The following CAMK4 variants were observed in gnomAD, a reference collection of about 807,000 sequenced individuals.
CAMK4 encodes calcium/calmodulin-dependent protein kinase type IV.
A neutral mutation model predicts 44.9 loss-of-function variants in CAMK4; 22 were observed. The observed-to-expected ratio is 0.49, with a 90% CI of 0.35 to 0.70. CAMK4 has a LOEUF of 0.70. CAMK4 is among the 30% of genes least tolerant of loss of function. CAMK4 has a pLI of 0.01. For missense variants in CAMK4, 498 were observed against 586.8 expected, an observed-to-expected ratio of 0.85 and a Z score of 1.56; for synonymous variants, 218 against 215.4, an observed-to-expected ratio of 1.01 and a Z score of -0.11.
intron 1 of CAMK4, chr5:111,266,261 C>T (rs944642099): frequency 2.0e-5 from 3 of 151,000 alleles, no homozygotes; most frequent in Admixed American, 2.0e-4. Flanking sequence ...GAGAGAGAGA[C>T]GTTTGCCCAT....
At chr5:111,352,798 A>G (rs1408865440) in intron 2 of CAMK4, among the ~76,000 whole-genome samples, 3 of 152,054 alleles carry the variant, frequency 2.0e-5, no homozygotes, top group East Asian at 1.9e-4. Flanking sequence ...CCATCATCCA[A>G]ACACCTCCCT....
intron 5 of CAMK4, among the ~76,000 whole-genome samples, chr5:111,421,092 A>G (rs141222499): frequency 6.6e-6 from 1 of 152,230 alleles, no homozygotes; most frequent in African/African-American, 2.4e-5. Context: ...ATAAGAAATT[A>G]TAAAAGTATT....
At chr5:111,282,677 T>A (rs1457290935) in intron 1 of CAMK4, among the ~76,000 whole-genome samples, 3 of 152,232 alleles carry the variant, frequency 2.0e-5, no homozygotes, top group Non-Finnish European at 2.9e-5. Flanking sequence ...ATAAATAAGA[T>A]CACACTGTAT....
At chr5:111,424,576 C>T (rs1053414160) in intron 5 of CAMK4, among the ~76,000 whole-genome samples, 11 of 150,540 alleles carry the variant, frequency 7.3e-5, no homozygotes, top group Non-Finnish European at 1.5e-4. Flanking sequence ...TCGCGAATAG[C>T]TGGGACTACA....
At chr5:111,248,969 T>G (rs1749360411) in intron 1 of CAMK4, among the ~76,000 whole-genome samples, 2 of 145,146 alleles carry the variant, frequency 1.4e-5, no homozygotes, top group African/African-American at 2.5e-5. Context: ...GGGCGGTGTG[T>G]GGGGGGGTCA....
intron 7 of CAMK4, among the ~76,000 whole-genome samples, chr5:111,470,196 A>T (rs965645367): frequency 6.6e-6 from 1 of 152,258 alleles, no homozygotes; most frequent in Non-Finnish European, 1.5e-5. Flanking sequence ...TTGTGCTCAA[A>T]GACACTTTCT....
Position 111,486,857 on chromosome 5 carries a change from T to C in CAMK4, c.*2391T>C, listed in dbSNP as rs1399521409. 1 of 152,112 alleles carries C rather than the reference T, an allele frequency of 6.6e-6. No homozygotes were observed. The highest frequency in any genetic ancestry group is 2.4e-5 in the African/African-American group (1 of 41,426). 9.4% of individuals were successfully genotyped at this position (152,112 alleles called of 1,614,324 possible). Reference sequence around the variant, plus strand: ...TCTTTTTAAACCCATAAACTACATTTTTAAAAAAATCAATGGGAGTTTTAA... The same window carrying C: ...TCTTTTTAAACCCATAAACTACATTCTTAAAAAAATCAATGGGAGTTTTAA... On this transcript the variant is annotated 3_prime_UTR_variant, in exon 11 of 11. Coordinates refer to ENST00000282356, the MANE Select transcript of CAMK4 (RefSeq NM_001744.6).
At position 111,321,465 on chromosome 5, in the gene CAMK4, T is replaced by G. The variant is rs369987117; in HGVS notation, c.162-22559T>G. Among the ~76,000 whole-genome samples the G allele has an allele frequency of 5.9e-4, 90 of 152,046 alleles. No individual in the cohort carries two copies. The Middle Eastern group carries it at 0.01, about 17-fold the overall frequency. On this transcript the variant is annotated intron_variant, in intron 1 of 10. Transcript: ENST00000282356. ...GTTGAAGGAGTAATTTTCTGAACTT[T>G]TAATTTATACAGTTTCTTAATATTA...
intron 5 of CAMK4, among the ~76,000 whole-genome samples, chr5:111,442,684 A>G (rs958875445): frequency 2.0e-5 from 3 of 149,450 alleles, no homozygotes; most frequent in Non-Finnish European, 4.5e-5. Flanking sequence ...AAACTGAAAG[A>G]CTAGCACTCT....
chr5:111,344,744 A>G (rs960934614), intron 2 of CAMK4, among the ~76,000 whole-genome samples: 1 of 151,818 alleles, frequency 6.6e-6, no homozygotes, highest in Non-Finnish European at 1.5e-5. Flanking sequence ...CTGAGGAGGC[A>G]AAAGTGACTT....
chr5:111,474,553 T>C (rs981993282), intron 8 of CAMK4, among the ~76,000 whole-genome samples: 7 of 152,118 alleles, frequency 4.6e-5, no homozygotes, highest in South Asian at 2.1e-4. Flanking sequence ...TACTATCTCA[T>C]TGGGAGCTGG....
chr5:111,295,913 G>C (rs1172853715), intron 1 of CAMK4, among the ~76,000 whole-genome samples: 1 of 152,124 alleles, frequency 6.6e-6, no homozygotes, highest in Non-Finnish European at 1.5e-5. Context: ...TTTTGATTCT[G>C]TTATCAGTCT....
intron 1 of CAMK4, among the ~76,000 whole-genome samples, chr5:111,291,466 C>A (rs1048306722): frequency 6.6e-6 from 1 of 152,040 alleles, no homozygotes; most frequent in Non-Finnish European, 1.5e-5. Flanking sequence ...GTCGTCATAC[C>A]TCCTTGGTGA....
intron 5 of CAMK4, among the ~76,000 whole-genome samples, chr5:111,440,470 C>A (rs1283548798): frequency 6.6e-6 from 1 of 152,204 alleles, no homozygotes; most frequent in South Asian, 2.1e-4. Flanking sequence ...CCTAAACTTT[C>A]TTACTGTAAA....
intron 1 of CAMK4, among the ~76,000 whole-genome samples, chr5:111,312,777 G>A (rs1041213717): frequency 4.6e-5 from 7 of 152,106 alleles, no homozygotes; most frequent in Admixed American, 1.3e-4. Flanking sequence ...CCAACTCCCC[G>A]TTGACGAATG....
chr5:111,460,882 AT>A, intron 7 of CAMK4, among the ~76,000 whole-genome samples: 1 of 152,340 alleles, frequency 6.6e-6, no homozygotes, highest in South Asian at 2.1e-4. Context: ...AGCACTAGGT[AT>A]TCTCAAATAT....
At chr5:111,470,514 A>G (rs958760630) in intron 7 of CAMK4, among the ~76,000 whole-genome samples, 1 of 148,342 alleles carries the variant, frequency 6.7e-6, no homozygotes, top group Non-Finnish European at 1.5e-5. Flanking sequence ...GATGAAAAAT[A>G]TAAACTTTAT....
chr5:111,278,617 C>A (rs1293407449), intron 1 of CAMK4, among the ~76,000 whole-genome samples: 3 of 152,058 alleles, frequency 2.0e-5, no homozygotes, highest in Admixed American at 2.0e-4. Flanking sequence ...TTCAAAAGTA[C>A]CAGGTGAGAA....
rs1755585684 is a variant in CAMK4 at position 111,485,627 on chromosome 5, T to C, written c.*1161T>C. The C allele has an allele frequency of 6.6e-6, 1 of 152,182 alleles. No homozygotes were observed. The highest frequency in any genetic ancestry group is 2.1e-4 in the South Asian group (1 of 4,834). 9.4% of individuals were successfully genotyped at this position (152,182 alleles called of 1,614,324 possible). On this transcript the variant is annotated 3_prime_UTR_variant, in exon 11 of 11. Transcript: ENST00000282356. ...CTTTTTCTCGTATTTGGAATGAAAG[T>C]ACCCACATTTTACAATGTAGTGTTG...
Sources: gnomAD v4.1 joint callset for allele counts (sites outside exome capture counted in the v4.1 genomes callset) on GRCh38, gnomAD v4.1.1 for gene constraint, MANE v1.5 for transcripts, NCBI Gene and HGNC (gene_info 2026-07-23, HGNC 2026-07-21) for gene names.